MNAT1: variants seen among roughly 807,000 people sequenced by gnomAD.
MNAT1 encodes MNAT1 component of CDK activating kinase.
MNAT1 carries 43 observed loss-of-function variants against 42.0 expected under a neutral mutation model. The ratio of observed to expected loss-of-function variants is 1.02; its 90% CI spans 0.80 to 1.32. The LOEUF is 1.32. Among genes scored for constraint, MNAT1 ranks in the 40% most tolerant of loss-of-function variants. The probability of loss-of-function intolerance (pLI) is 0.00; values close to 1 mark genes in which losing one functional copy is unlikely to be tolerated. For missense variants in MNAT1, 306 were observed against 350.4 expected (o/e 0.87, Z 1.01); for synonymous variants, 118 against 120.0 (o/e 0.98, Z 0.11).
At chr14:60,891,456 GT>G (rs551603665) in intron 7 of MNAT1, among the ~76,000 whole-genome samples, 10 of 145,590 alleles carry the variant, frequency 6.9e-5, no homozygotes, top group Admixed American at 1.4e-4. Flanking sequence ...TGTTTTGTTT[GT>G]TTTTTTTTTG....
chr14:60,829,211 T>C (rs2033148986), intron 6 of MNAT1, among the ~76,000 whole-genome samples: 1 of 152,156 alleles, frequency 6.6e-6, no homozygotes, highest in South Asian at 2.1e-4. Context: ...AGCCATCTTA[T>C]TAGCATACAA....
At chr14:60,781,449 C>T (rs1880751917) in intron 1 of MNAT1, among the ~76,000 whole-genome samples, 2 of 151,908 alleles carry the variant, frequency 1.3e-5, no homozygotes, top group Admixed American at 1.3e-4. Flanking sequence ...TATTGTGTTT[C>T]CCCTCCCACT....
intron 7 of MNAT1, among the ~76,000 whole-genome samples, chr14:60,929,720 A>G (rs2035847052): frequency 6.6e-6 from 1 of 152,192 alleles, no homozygotes; most frequent in African/African-American, 2.4e-5. Context: ...TGTAATAATA[A>G]TAGTGAGCAT....
chr14:60,857,310 G>C (rs2033985764), intron 6 of MNAT1, among the ~76,000 whole-genome samples: 1 of 152,206 alleles, frequency 6.6e-6, no homozygotes, highest in Non-Finnish European at 1.5e-5. Context: ...ACTTTGAGCA[G>C]TTCAAGACTT....
chr14:60,863,322 C>T (rs769551301), intron 6 of MNAT1, among the ~76,000 whole-genome samples: 1 of 151,914 alleles, frequency 6.6e-6, no homozygotes. Flanking sequence ...ACTCTTTTCT[C>T]GTTTCTTTTT....
rs570441841 is a variant in MNAT1 at position 60,789,467 on chromosome 14, C to T, written c.90-6750C>T. On this transcript the variant is annotated intron_variant, in intron 1 of 7. Coordinates refer to ENST00000261245, the MANE Select transcript of MNAT1 (RefSeq NM_002431.4). ...TGCCGATAGACTCATTCCATGGCAG[C>T]GTTGCCACAAATCTTGAATTTGTAA... 1.2e-3 allele frequency among the ~76,000 whole-genome samples: 183 copies of T among 152,238 alleles called. 1 individual carries two copies. The highest frequency in any genetic ancestry group is 4.2e-3 in the African/African-American group (175 of 41,562).
At chr14:60,848,338 T>A (rs377645737) in intron 6 of MNAT1, among the ~76,000 whole-genome samples, 4 of 152,224 alleles carry the variant, frequency 2.6e-5, no homozygotes, top group African/African-American at 9.6e-5. Context: ...AGATTTTCTC[T>A]TTGTGTTCAT....
chr14:60,908,525 A>G (rs183338885), intron 7 of MNAT1, among the ~76,000 whole-genome samples: 87 of 131,326 alleles, frequency 6.6e-4, no homozygotes, highest in East Asian at 6.4e-3. Flanking sequence ...TCCTGTGTCC[A>G]TGTGTTCTCA....
At chr14:60,944,521 T>TCTA (rs1413415436) in intron 7 of MNAT1, among the ~76,000 whole-genome samples, 2 of 152,182 alleles carry the variant, frequency 1.3e-5, no homozygotes, top group African/African-American at 4.8e-5. Flanking sequence ...ACTTCTATCG[T>TCTA]TTAAGCCACT....
chr14:60,885,117 C>T (rs918547748), intron 7 of MNAT1, among the ~76,000 whole-genome samples: 6 of 151,660 alleles, frequency 4.0e-5, no homozygotes, highest in Non-Finnish European at 8.8e-5. Context: ...ATTCTTTATC[C>T]TTGACCTTTG....
chr14:60,780,563 A>G, intron 1 of MNAT1: 1 of 1,520,272 alleles, frequency 6.6e-7, no homozygotes. Context: ...AGTAAATAGC[A>G]TGGTGGCCTA....
At chr14:60,792,329 T>C (rs999217701) in intron 1 of MNAT1, among the ~76,000 whole-genome samples, 2 of 152,198 alleles carry the variant, frequency 1.3e-5, no homozygotes, top group Non-Finnish European at 2.9e-5. Flanking sequence ...TTCAAAGATA[T>C]GGCACTTCAA....
intron 7 of MNAT1, among the ~76,000 whole-genome samples, chr14:60,917,041 G>C (rs1001137572): frequency 2.0e-5 from 3 of 152,146 alleles, no homozygotes; most frequent in Non-Finnish European, 2.9e-5. Flanking sequence ...AAACCCACTT[G>C]TAGTGGGTTT....
intron 2 of MNAT1, among the ~76,000 whole-genome samples, chr14:60,797,777 A>AT (rs2032065289): frequency 1.3e-5 from 2 of 152,058 alleles, no homozygotes; most frequent in African/African-American, 4.8e-5. Flanking sequence ...TACAAAAAAC[A>AT]TTAAGTGGAT....
chr14:60,951,175 T>A lies in MNAT1; in HGVS notation c.810-17054T>A, dbSNP rs907450790. Among the ~76,000 whole-genome samples, 14 of 152,116 alleles carry A rather than the reference T, an allele frequency of 9.2e-5. 1 individual carries two copies. The highest frequency in any genetic ancestry group is 3.4e-4 in the African/African-American group (14 of 41,496). On this transcript the variant is annotated intron_variant, in intron 7 of 7. Transcript: ENST00000261245. ...GCTACCCAGAATTAAGAAATATTAT[T>A]TGCAAACATCAAAAAATTCTAAACT...
chr14:60,817,187 A>AT (rs542834579), intron 5 of MNAT1, among the ~76,000 whole-genome samples: 289 of 151,804 alleles, frequency 1.9e-3, no homozygotes, highest in African/African-American at 6.8e-3. Flanking sequence ...TTTAAAAGAT[A>AT]TTTTTTTGAT....
chr14:60,795,277 C>T (rs1049723669), intron 1 of MNAT1, among the ~76,000 whole-genome samples: 15 of 152,162 alleles, frequency 9.9e-5, no homozygotes, highest in Admixed American at 3.9e-4. Context: ...GCTCTCTCCT[C>T]CCATCCATCT....
chr14:60,774,413 G>A (rs1488973182), intron 1 of MNAT1, among the ~76,000 whole-genome samples: 3 of 152,124 alleles, frequency 2.0e-5, no homozygotes, highest in Non-Finnish European at 4.4e-5. Context: ...TAGGGGTCAG[G>A]TCATGTAGTA....
chr14:60,963,690 G>C (rs935684046), intron 7 of MNAT1, among the ~76,000 whole-genome samples: 1 of 152,114 alleles, frequency 6.6e-6, no homozygotes, highest in Non-Finnish European at 1.5e-5. Flanking sequence ...TTTAATGCAT[G>C]ATGGCTTTAA....
Sources: allele counts gnomAD v4.1 joint callset (sites outside exome capture counted in the v4.1 genomes callset), GRCh38; gene constraint gnomAD v4.1.1; transcripts MANE v1.5; gene names NCBI Gene and HGNC (gene_info 2026-07-23, HGNC 2026-07-21).